SNTG1: variants seen among roughly 807,000 people sequenced by gnomAD.
SNTG1 encodes syntrophin gamma 1.
In SNTG1, 39 loss-of-function variants were observed where a neutral mutation model predicts 74.7. The observed-to-expected ratio is 0.52, with a 90% CI of 0.40 to 0.68. SNTG1 has a LOEUF of 0.68. Among genes scored for constraint, SNTG1 ranks in the 30% least tolerant of loss-of-function variants. The pLI, the probability that SNTG1 is intolerant of heterozygous loss-of-function variation, is 0.00. For missense variants in SNTG1, 685 were observed against 609.5 expected, an observed-to-expected ratio of 1.12 and a Z score of -1.30; for synonymous variants, 254 against 217.1, an observed-to-expected ratio of 1.17 and a Z score of -1.49.
intron 9 of SNTG1, among the ~76,000 whole-genome samples, chr8:50,510,393 CTGCCAGCCTT>C (rs1295988700): frequency 2.0e-5 from 3 of 152,172 alleles, no homozygotes; most frequent in African/African-American, 7.2e-5. Context: ...TGTCGTGTCT[CTGCCAGCCTT>C]TGTTATCAGG....
chr8:50,327,479 C>A (rs1177482438), intron 2 of SNTG1, among the ~76,000 whole-genome samples: 2 of 152,046 alleles, frequency 1.3e-5, no homozygotes, highest in Non-Finnish European at 2.9e-5. Flanking sequence ...CTTTCTACCC[C>A]AGCTTTCTTT....
At position 50,775,161 on chromosome 8, in the gene SNTG1, G is replaced by A. The variant is rs186542551; in HGVS notation, c.1396-17510G>A. ...TAAAAGCAAATATATTAAATATTTCGACCAAAGGCAGAGATTAACATAATG... is the reference window on the plus strand; with the variant it reads ...TAAAAGCAAATATATTAAATATTTCAACCAAAGGCAGAGATTAACATAATG... On this transcript the variant is annotated intron_variant, in intron 18 of 18. Coordinates refer to ENST00000642720, the MANE Select transcript of SNTG1 (RefSeq NM_018967.5). Among the ~76,000 whole-genome samples, 827 of 151,118 alleles carry A rather than the reference G, an allele frequency of 5.5e-3. 2 individuals are homozygous for A. The highest frequency in any genetic ancestry group is 0.024 in the Middle Eastern group (7 of 288).
chr8:50,287,213 G>C (rs1302802896), intron 2 of SNTG1, among the ~76,000 whole-genome samples: 1 of 151,900 alleles, frequency 6.6e-6, no homozygotes, highest in Admixed American at 6.6e-5. Context: ...TTTACTTACT[G>C]CCCCAACCAT....
At chr8:50,081,726 C>A (rs562724930) in intron 1 of SNTG1, among the ~76,000 whole-genome samples, 1 of 151,990 alleles carries the variant, frequency 6.6e-6, no homozygotes, top group African/African-American at 2.4e-5. Flanking sequence ...CTCTGCCTCC[C>A]GAGTTCAAGT....
At chr8:50,131,816 C>G (rs2081328629) in intron 1 of SNTG1, among the ~76,000 whole-genome samples, 1 of 151,926 alleles carries the variant, frequency 6.6e-6, no homozygotes, top group South Asian at 2.1e-4. Context: ...ACAAGGATGT[C>G]CCTCTCTTCA....
chr8:50,492,106 G>T (rs911002661), intron 8 of SNTG1, among the ~76,000 whole-genome samples: 1 of 152,134 alleles, frequency 6.6e-6, no homozygotes, highest in African/African-American at 2.4e-5. Flanking sequence ...TGGTGTATAT[G>T]TGCCACATTT....
rs2083658544 is a variant in SNTG1, at chr8:50,193,617, C to T, written c.-28+20982C>T. 2.0e-5 allele frequency among the ~76,000 whole-genome samples: 3 copies of T among 152,202 alleles called. No homozygotes were observed. The South Asian group carries it at 6.2e-4, about 32-fold the overall frequency. On this transcript the variant is annotated intron_variant, in intron 2 of 18. Transcript: ENST00000642720. ...GGTAAAGGATCATATCATCAGCAAA[C>T]AGTGACAGTTTGACTTCCTCTTTGC...
intron 9 of SNTG1, 72 bp downstream of exon 9, chr8:50,502,952 T>C: frequency 1.6e-6 from 2 of 1,282,858 alleles, no homozygotes; most frequent in Non-Finnish European, 1.1e-6. Flanking sequence ...TTGACAATAA[T>C]TGGTGATTTC....
upstream of SNTG1, chr8:49,910,046 TTGGAGAGCGCAA>T (rs1805504294): frequency 6.6e-6 from 1 of 152,416 alleles, no homozygotes; most frequent in African/African-American, 2.4e-5. Context: ...AGGCCGGTGC[TTGGAGAGCGCAA>T]TGTCCCCGGG....
chr8:50,179,757 A>G (rs1227276545), intron 2 of SNTG1, among the ~76,000 whole-genome samples: 2 of 152,236 alleles, frequency 1.3e-5, no homozygotes, highest in East Asian at 1.9e-4. Context: ...TAAGATGGCT[A>G]TAATAAAAAT....
chr8:50,129,989 G>A (rs761810337), intron 1 of SNTG1, among the ~76,000 whole-genome samples: 37 of 151,848 alleles, frequency 2.4e-4, no homozygotes, highest in Non-Finnish European at 4.7e-4. Context: ...ATATACTTAA[G>A]GACATAAAAT....
chr8:50,506,329 T>C (rs2094006278), intron 9 of SNTG1, among the ~76,000 whole-genome samples: 1 of 152,078 alleles, frequency 6.6e-6, no homozygotes, highest in African/African-American at 2.4e-5. Flanking sequence ...CTATTCAGAA[T>C]TCGTTGAGGT....
chr8:50,700,699 CA>C (rs1455587148), intron 15 of SNTG1, among the ~76,000 whole-genome samples: 10 of 152,264 alleles, frequency 6.6e-5, no homozygotes, highest in African/African-American at 2.4e-4. Flanking sequence ...TACTTTCCCT[CA>C]AGATGATTTA....
intron 12 of SNTG1, among the ~76,000 whole-genome samples, chr8:50,574,340 T>C (rs1283449252): frequency 6.6e-6 from 1 of 152,140 alleles, no homozygotes; most frequent in African/African-American, 2.4e-5. Flanking sequence ...TTACCTGATA[T>C]TTTTATCTTT....
chr8:50,330,577 A>G (rs2090924020), intron 2 of SNTG1, among the ~76,000 whole-genome samples: 1 of 152,206 alleles, frequency 6.6e-6, no homozygotes, highest in South Asian at 2.1e-4. Context: ...TTATCTTTAC[A>G]GCAGTACCCC....
intron 2 of SNTG1, among the ~76,000 whole-genome samples, chr8:50,332,865 T>C (rs2091014912): frequency 6.6e-6 from 1 of 152,188 alleles, no homozygotes. Context: ...AATAGTACAG[T>C]TGGAGCAGCT....
At chr8:50,629,191 G>A (rs551522229) in intron 13 of SNTG1, among the ~76,000 whole-genome samples, 9 of 151,488 alleles carry the variant, frequency 5.9e-5, no homozygotes, top group Non-Finnish European at 1.3e-4. Flanking sequence ...GCTCACTTGT[G>A]GTATATCTTC....
chr8:50,379,340 G>T (rs1422753736), intron 2 of SNTG1, among the ~76,000 whole-genome samples: 1 of 152,108 alleles, frequency 6.6e-6, no homozygotes, highest in Non-Finnish European at 1.5e-5. Flanking sequence ...GGCCTTCATG[G>T]GCCCCCAGAG....
chr8:50,771,758 G>T (rs1475816424), intron 18 of SNTG1, among the ~76,000 whole-genome samples: 1 of 151,972 alleles, frequency 6.6e-6, no homozygotes, highest in East Asian at 2.0e-4. Context: ...AATGGTTTTG[G>T]GGGACAGGCC....
Sources: allele counts gnomAD v4.1 joint callset (sites outside exome capture counted in the v4.1 genomes callset), GRCh38; gene constraint gnomAD v4.1.1; transcripts MANE v1.5; gene names NCBI Gene and HGNC (gene_info 2026-07-23, HGNC 2026-07-21).